Variants in NPSR1 observed in about 807,000 individuals in gnomAD.
NPSR1 encodes the protein neuropeptide S receptor 1.
Under a neutral mutation model 46.9 loss-of-function variants are expected in NPSR1, and 48 were observed. The ratio of observed to expected loss-of-function variants is 1.02; its 90% CI spans 0.81 to 1.30. The LOEUF is 1.30. NPSR1 is among the 50% of genes most tolerant of loss of function. NPSR1 has a pLI of 0.00. For synonymous variants in NPSR1, 176 were observed against 168.1 expected (o/e 1.05, Z -0.36); for missense variants, 450 against 449.5 (o/e 1.00, Z -0.01).
chr7:34,834,077 T>C (rs1481669891), intron 5 of NPSR1: 1 of 369,036 alleles, frequency 2.7e-6, no homozygotes, highest in Non-Finnish European at 4.9e-6. Context: ...CAAGTTTTTC[T>C]GACTCTAAGG....
chr7:34,723,199 T>C (rs892119711), intron 2 of NPSR1: 1 of 152,576 alleles, frequency 6.6e-6, no homozygotes, highest in African/African-American at 2.4e-5. Context: ...TACTCATGAA[T>C]GGAGAACTTC....
At chr7:34,704,779 C>G (rs563342665) in intron 2 of NPSR1, among the ~76,000 whole-genome samples, 1 of 152,188 alleles carries the variant, frequency 6.6e-6, no homozygotes, top group South Asian at 2.1e-4. Context: ...AGCACAGCAT[C>G]TTATCGGATT....
intron 2 of NPSR1, among the ~76,000 whole-genome samples, chr7:34,705,599 ATCTCTCTCTCTC>A (rs60599463): frequency 2.0e-5 from 3 of 147,222 alleles, no homozygotes; most frequent in Non-Finnish European, 3.0e-5. Context: ...ATGTATGTTG[ATCTCTCTCTCTC>A]TCTCTCTCTC....
chr7:34,826,675 A>T (rs6462579), intron 4 of NPSR1, among the ~76,000 whole-genome samples: 84,311 of 151,958 alleles, frequency 0.55, 24,139 homozygotes, highest in African/African-American at 0.69. Flanking sequence ...CATCATAACC[A>T]GCTGAGGTGG....
intron 2 of NPSR1, among the ~76,000 whole-genome samples, chr7:34,756,596 A>C (rs1785870768): frequency 6.6e-6 from 1 of 152,094 alleles, no homozygotes; most frequent in Non-Finnish European, 1.5e-5. Flanking sequence ...TGTAACTAAA[A>C]CTTCTTTTAT....
At chr7:34,843,217 T>A (rs981504525) in intron 6 of NPSR1, among the ~76,000 whole-genome samples, 3 of 152,124 alleles carry the variant, frequency 2.0e-5, no homozygotes, top group East Asian at 3.9e-4. Flanking sequence ...AATTTATTTT[T>A]AAAAAAAGAG....
intron 2 of NPSR1, among the ~76,000 whole-genome samples, chr7:34,687,267 T>C (rs368631926): frequency 6.6e-6 from 1 of 152,286 alleles, no homozygotes; most frequent in East Asian, 1.9e-4. Context: ...GTTACATATG[T>C]CATGGCTAAA....
chr7:34,693,074 C>G (rs1343712150), intron 2 of NPSR1, among the ~76,000 whole-genome samples: 2 of 152,072 alleles, frequency 1.3e-5, no homozygotes, highest in African/African-American at 4.8e-5. Flanking sequence ...TGTTGCACCC[C>G]CCTGCTCTCT....
chr7:34,842,135 A>G (rs187111281), intron 6 of NPSR1, among the ~76,000 whole-genome samples: 1 of 152,312 alleles, frequency 6.6e-6, no homozygotes, highest in African/African-American at 2.4e-5. Flanking sequence ...TGGTTCCTTG[A>G]ATATATTATT....
chr7:34,766,256 A>C (rs979977736), intron 2 of NPSR1, among the ~76,000 whole-genome samples: 1 of 152,212 alleles, frequency 6.6e-6, no homozygotes, highest in Non-Finnish European at 1.5e-5. Flanking sequence ...GTGGGAGTAC[A>C]CAGTGGTGCA....
chr7:34,781,731 C>T (rs1787241346), intron 3 of NPSR1, among the ~76,000 whole-genome samples: 1 of 152,198 alleles, frequency 6.6e-6, no homozygotes, highest in Admixed American at 6.5e-5. Context: ...GTGTAAGCTC[C>T]AGCCCTGGAG....
At chr7:34,678,595 G>A (rs1002741821) in intron 1 of NPSR1, among the ~76,000 whole-genome samples, 1 of 152,118 alleles carries the variant, frequency 6.6e-6, no homozygotes, top group African/African-American at 2.4e-5. Context: ...GGGAGGCCCA[G>A]GAGGGTGGAT....
chr7:34,736,990 TCTTA>T (rs1200986101), intron 2 of NPSR1, among the ~76,000 whole-genome samples: 3 of 143,792 alleles, frequency 2.1e-5, no homozygotes, highest in African/African-American at 7.7e-5. Context: ...CTGAACTCTT[TCTTA>T]CTTTCTCTCT....
At chr7:34,714,972 G>A (rs2530536) in intron 2 of NPSR1, among the ~76,000 whole-genome samples, 9,217 of 152,238 alleles carry the variant, frequency 0.061, 310 homozygotes, top group South Asian at 0.09. Flanking sequence ...TCCCAGGCTG[G>A]TATACTTCAC....
chr7:34,708,621 C>A (rs1309991401), intron 2 of NPSR1, among the ~76,000 whole-genome samples: 1 of 152,184 alleles, frequency 6.6e-6, no homozygotes, highest in African/African-American at 2.4e-5. Flanking sequence ...TTTCTCAGGG[C>A]TTTGGGATTG....
intron 2 of NPSR1, among the ~76,000 whole-genome samples, chr7:34,740,901 T>G (rs193090330): frequency 1.3e-5 from 2 of 152,330 alleles, no homozygotes; most frequent in African/African-American, 4.8e-5. Flanking sequence ...AAGTGACAGC[T>G]GCAATCTAGT....
intron 1 of NPSR1, among the ~76,000 whole-genome samples, chr7:34,669,419 C>T (rs12701374): frequency 0.13 from 20,058 of 151,896 alleles, 1,465 homozygotes; most frequent in African/African-American, 0.19. Context: ...AAAAATTAGC[C>T]AGGCGTGGTG....
At chr7:34,676,743 G>A (rs1205955099) in intron 1 of NPSR1, among the ~76,000 whole-genome samples, 3 of 152,278 alleles carry the variant, frequency 2.0e-5, no homozygotes, top group Non-Finnish European at 4.4e-5. Flanking sequence ...GATGTTAGAT[G>A]AATTCATAAA....
chr7:34,750,826 C>G, intron 2 of NPSR1: 1 of 692,736 alleles, frequency 1.4e-6, no homozygotes, highest in Non-Finnish European at 2.7e-6. Context: ...ACCGCTGACA[C>G]AGCTTTTCCA....
Sources: allele counts gnomAD v4.1 joint callset (sites outside exome capture counted in the v4.1 genomes callset), GRCh38; gene constraint gnomAD v4.1.1; transcripts MANE v1.5; gene names NCBI Gene and HGNC (gene_info 2026-07-23, HGNC 2026-07-21).